DCDC1: variants seen among roughly 807,000 people sequenced by gnomAD.
The protein encoded by DCDC1 is doublecortin domain-containing protein 1.
Under a neutral mutation model 178.3 loss-of-function variants are expected in DCDC1, and 200 were observed. The observed-to-expected ratio is 1.12, with a 90% CI of 1.00 to 1.26. The LOEUF is 1.26. Among genes scored for constraint, DCDC1 ranks in the 50% most tolerant of loss-of-function variants. The pLI, the probability that DCDC1 is intolerant of heterozygous loss-of-function variation, is 0.00. For missense variants in DCDC1, 1,983 were observed against 1,749.2 expected (o/e 1.13, Z -2.38); for synonymous variants, 690 against 604.8 (o/e 1.14, Z -2.07).
chr11:30,963,483 T>A lies in DCDC1; in HGVS notation c.2592-10915A>T, dbSNP rs182234801. Among the ~76,000 whole-genome samples the A allele has an allele frequency of 2.9e-3, 444 of 152,236 alleles. 4 individuals are homozygous for A. Among genetic ancestry groups the A allele is most frequent in the African/African-American group, 1.0e-2 (415 of 41,552 alleles). On this transcript the variant is annotated intron_variant, in intron 20 of 38. Transcript: ENST00000684477. ...ATTACAAGATTTCTTTGCATTTAGG[T>A]GTAGCCATGTATCAAAGTTCTGGCC... is the stretch of plus-strand genomic sequence containing the variant.
At chr11:31,355,130 G>A (rs1188858233) in intron 1 of DCDC1, among the ~76,000 whole-genome samples, 1 of 152,116 alleles carries the variant, frequency 6.6e-6, no homozygotes, top group Non-Finnish European at 1.5e-5. Context: ...TTGGAGTGGT[G>A]CTTAAAATAT....
intron 3 of DCDC1, among the ~76,000 whole-genome samples, chr11:31,311,568 T>C (rs916562251): frequency 2.0e-5 from 3 of 152,178 alleles, no homozygotes; most frequent in African/African-American, 7.2e-5. Flanking sequence ...CACAGAGGAA[T>C]ATAAGAATAC....
intron 10 of DCDC1, among the ~76,000 whole-genome samples, chr11:31,133,130 A>G (rs1294614707): frequency 1.3e-5 from 2 of 152,208 alleles, no homozygotes; most frequent in Non-Finnish European, 2.9e-5. Context: ...TGAGCCATAC[A>G]TTGTGAATAC....
intron 1 of DCDC1, among the ~76,000 whole-genome samples, chr11:31,365,043 T>TC (rs1564936150): frequency 6.6e-6 from 1 of 152,192 alleles, no homozygotes; most frequent in African/African-American, 2.4e-5. Context: ...ACCTGGTATT[T>TC]CCTCTGGCAT....
chr11:31,323,704 C>G (rs905156001), intron 3 of DCDC1, among the ~76,000 whole-genome samples: 1 of 151,566 alleles, frequency 6.6e-6, no homozygotes, highest in Non-Finnish European at 1.5e-5. Context: ...ACTATAAACA[C>G]AAAGGGAAAT....
intron 17 of DCDC1, among the ~76,000 whole-genome samples, chr11:31,088,907 C>G (rs1290961385): frequency 1.3e-5 from 2 of 152,076 alleles, no homozygotes; most frequent in Non-Finnish European, 1.5e-5. Flanking sequence ...CACATGTCAC[C>G]CATGCTGGTC....
intron 38 of DCDC1, among the ~76,000 whole-genome samples, chr11:30,867,595 G>A (rs932493668): frequency 6.6e-6 from 1 of 152,134 alleles, no homozygotes; most frequent in Admixed American, 6.5e-5. Context: ...TCAGGCCTTT[G>A]TCTCCAAGTC....
chr11:31,002,614 T>C (rs1951636675), intron 20 of DCDC1, among the ~76,000 whole-genome samples: 1 of 152,194 alleles, frequency 6.6e-6, no homozygotes, highest in Admixed American at 6.5e-5. Context: ...TATGCTATAA[T>C]TTCTATTGCT....
In DCDC1 at chr11:30,925,338, C is replaced by A; in HGVS notation, c.2968G>T (p.Ala990Ser). Residue 990 changes from alanine (A) to serine (S), a missense_variant, in exon 23 of 39, where the codon GCC (alanine) becomes TCC (serine). Physicochemically the swap from Ala to Ser is moderately conservative, Grantham distance 99. Coordinates refer to ENST00000684477, the MANE Select transcript of DCDC1 (RefSeq NM_001387274.1). ...LYNEKGKEIF[A>S]LKDLQRDELV... ...TCATCTCTTTGCAGGTCTTTTAAGG[C>A]AAATATTTCCTTCCCCTTTTCATTG... The A allele has an allele frequency of 3.1e-6, 5 of 1,613,722 alleles. No individual in the cohort carries two copies. The highest frequency in any genetic ancestry group is 4.2e-6 in the Non-Finnish European group (5 of 1,179,744).
intron 27 of DCDC1, among the ~76,000 whole-genome samples, chr11:30,912,072 A>G (rs775004274): frequency 2.0e-5 from 3 of 152,112 alleles, no homozygotes; most frequent in Non-Finnish European, 4.4e-5. Context: ...GAGTGAAACT[A>G]GTGGGTTTAT....
At chr11:31,010,161 C>A (rs564004444) in intron 20 of DCDC1, among the ~76,000 whole-genome samples, 1 of 152,254 alleles carries the variant, frequency 6.6e-6, no homozygotes, top group Non-Finnish European at 1.5e-5. Flanking sequence ...TGACAGATAT[C>A]TTGTGACCCA....
chr11:31,131,158 C>T (rs1962377019), intron 10 of DCDC1, among the ~76,000 whole-genome samples: 1 of 23,378 alleles, frequency 4.3e-5, no homozygotes, highest in African/African-American at 1.3e-4. Context: ...GTCCGCAGTC[C>T]GGCCTGGGCG....
At chr11:31,066,014 G>T (rs765581169) in intron 18 of DCDC1, among the ~76,000 whole-genome samples, 35 of 152,250 alleles carry the variant, frequency 2.3e-4, no homozygotes, top group Middle Eastern at 6.8e-3. Context: ...TAGCATAAAG[G>T]GGGGGATATA....
intron 20 of DCDC1, among the ~76,000 whole-genome samples, chr11:31,007,379 T>C (rs951495645): frequency 5.3e-5 from 8 of 152,142 alleles, no homozygotes; most frequent in African/African-American, 1.7e-4. Context: ...AATGAGACCA[T>C]TGAAGCATGA....
chr11:31,247,942 A>G (rs1943693789), intron 8 of DCDC1, among the ~76,000 whole-genome samples: 1 of 152,108 alleles, frequency 6.6e-6, no homozygotes, highest in Non-Finnish European at 1.5e-5. Flanking sequence ...CATACATGCA[A>G]TTTAAGATTA....
At chr11:31,175,168 G>A (rs1257037517) in intron 9 of DCDC1, among the ~76,000 whole-genome samples, 1 of 152,170 alleles carries the variant, frequency 6.6e-6, no homozygotes, top group Non-Finnish European at 1.5e-5. Flanking sequence ...GGATGCCACT[G>A]CATTTCCCAG....
intron 38 of DCDC1, among the ~76,000 whole-genome samples, chr11:30,877,447 C>A (rs1039287962): frequency 1.3e-5 from 2 of 152,158 alleles, no homozygotes; most frequent in Non-Finnish European, 2.9e-5. Flanking sequence ...GTTCTGTCTT[C>A]TTCTTGTAAA....
chr11:31,031,714 A>G (rs951846801), intron 20 of DCDC1, among the ~76,000 whole-genome samples: 2 of 152,128 alleles, frequency 1.3e-5, no homozygotes, highest in Admixed American at 6.5e-5. Flanking sequence ...AAATAATTTA[A>G]TCATCACATT....
intron 20 of DCDC1, among the ~76,000 whole-genome samples, chr11:31,020,076 G>T (rs1485695112): frequency 6.6e-6 from 1 of 152,208 alleles, no homozygotes; most frequent in African/African-American, 2.4e-5. Context: ...CGCAAATTAT[G>T]TGAGGATGTG....
Sources: allele counts gnomAD v4.1 joint callset (sites outside exome capture counted in the v4.1 genomes callset), GRCh38; gene constraint gnomAD v4.1.1; transcripts MANE v1.5; gene names NCBI Gene and HGNC (gene_info 2026-07-23, HGNC 2026-07-21).